Variants in IST1 observed in about 807,000 individuals in gnomAD.
IST1 encodes IST1 homolog.
Under a neutral mutation model 37.0 loss-of-function variants are expected in IST1, and 23 were observed. The observed-to-expected ratio is 0.62, with a 90% CI of 0.45 to 0.88. The LOEUF (loss-of-function observed/expected upper bound fraction) is 0.88. IST1 is among the 40% of genes least tolerant of loss of function. The probability of loss-of-function intolerance (pLI) is 0.00; values close to 1 mark genes in which losing one functional copy is unlikely to be tolerated. For synonymous variants in IST1, 180 were observed against 161.7 expected (o/e 1.11, Z -0.86); for missense variants, 488 against 445.4 (o/e 1.10, Z -0.86).
intron 1 of IST1, among the ~76,000 whole-genome samples, chr16:71,910,537 C>T (rs1005273220): frequency 2.7e-5 from 4 of 149,258 alleles, no homozygotes; most frequent in South Asian, 2.1e-4. Flanking sequence ...ACCTGGGAGG[C>T]GGAGCTTGCA....
rs1250739848 is a variant in IST1 at position 71,929,631 on chromosome 16, C to G, written c.*1818C>G. 6.4e-7 allele frequency: 1 copy of G among 1,551,766 alleles called. No homozygotes were observed. The highest frequency in any genetic ancestry group is 2.0e-5 in the Admixed American group (1 of 50,984). ...TTTTTTGGGGCCAACTGATTCCTAA[C>G]AAATTTGAGAGCTTCTGTAGCAGTG... is the stretch of plus-strand genomic sequence containing the variant. On this transcript the variant is annotated 3_prime_UTR_variant, in exon 10 of 10. Coordinates refer to ENST00000378799, the MANE Select transcript of IST1 (RefSeq NM_001270975.2).
At chr16:71,895,694 T>G (rs2036949745) in intron 1 of IST1, 105 bp downstream of exon 1, 1 of 305,652 alleles carries the variant, frequency 3.3e-6, no homozygotes. Flanking sequence ...TTCAAACGAC[T>G]TCGGAGGGGG....
intron 1 of IST1, among the ~76,000 whole-genome samples, chr16:71,895,937 C>T (rs1597225523): frequency 1.3e-5 from 2 of 152,362 alleles, no homozygotes; most frequent in African/African-American, 4.8e-5. Context: ...GGCGAGGGCT[C>T]CTCGGCGACA....
chr16:71,921,145 A>G, intron 5 of IST1, 198 bp from the exon 6 acceptor site: 1 of 600,462 alleles, frequency 1.7e-6, no homozygotes, highest in Middle Eastern at 4.5e-4. Context: ...CATCTGGGTC[A>G]TGTGTAATGA....
chr16:71,910,232 AT>A (rs559390096), intron 1 of IST1, among the ~76,000 whole-genome samples: 1 of 152,142 alleles, frequency 6.6e-6, no homozygotes, highest in Non-Finnish European at 1.5e-5. Context: ...TGGGATGTGA[AT>A]TACCCCTTTG....
rs1002778292 is a variant in IST1, at chr16:71,930,884, G to T, written c.*3071G>T. 2.0e-5 allele frequency: 3 copies of T among 152,096 alleles called. No individual in the cohort carries two copies. The highest frequency in any genetic ancestry group is 7.2e-5 in the African/African-American group (3 of 41,408). The allele number at this position is 152,096 out of a possible 1,614,324, so 9.4% of individuals were successfully genotyped here. ...CTGTTTAAAAATATCCCAACAGAGG[G>T]GTTGATTACAGTCAATGCCACCCTG... On this transcript the variant is annotated 3_prime_UTR_variant, in exon 10 of 10. Transcript: ENST00000378799.
intron 1 of IST1, among the ~76,000 whole-genome samples, chr16:71,910,438 C>G (rs1220775362): frequency 6.6e-6 from 1 of 151,932 alleles, no homozygotes; most frequent in East Asian, 1.9e-4. Context: ...AACCCCGTCT[C>G]TACTAAAAAT....
At chr16:71,894,877 T>C (rs1567456083), upstream of IST1, 1 of 1,499,320 alleles carries the variant, frequency 6.7e-7, no homozygotes, top group Non-Finnish European at 9.0e-7. Context: ...GGAAAAAGTT[T>C]TCTCTGAATA....
chr16:71,922,873 A>ATTCC, intron 7 of IST1, 193 bp downstream of exon 7: 2 of 611,752 alleles, frequency 3.3e-6, no homozygotes, highest in South Asian at 2.0e-5. Context: ...GCTGTAGGAA[A>ATTCC]ATCTATAGAG....
intron 1 of IST1, among the ~76,000 whole-genome samples, chr16:71,907,343 T>A (rs2037247887): frequency 6.6e-6 from 1 of 151,432 alleles, no homozygotes; most frequent in Non-Finnish European, 1.5e-5. Context: ...AGTGGTGCGA[T>A]CTCCGCTCAC....
upstream of IST1, chr16:71,894,881 C>G: frequency 6.8e-7 from 1 of 1,478,886 alleles, no homozygotes; most frequent in South Asian, 1.2e-5. Context: ...AAAGTTTTCT[C>G]TGAATACCGA....
upstream of IST1, chr16:71,895,292 C>G (rs569169272): frequency 1.3e-5 from 2 of 154,744 alleles, no homozygotes; most frequent in Admixed American, 6.5e-5. Flanking sequence ...TAAGGGCATG[C>G]CCCCAGCAGC....
At chr16:71,918,490 C>T (rs867685441) in intron 4 of IST1, among the ~76,000 whole-genome samples, 36 of 149,124 alleles carry the variant, frequency 2.4e-4, no homozygotes, top group Middle Eastern at 3.5e-3. Flanking sequence ...AATTTTGGCT[C>T]ACTGCAACCT....
chr16:71,917,691 C>T (rs1287788895), intron 4 of IST1, among the ~76,000 whole-genome samples: 1 of 152,058 alleles, frequency 6.6e-6, no homozygotes, highest in Non-Finnish European at 1.5e-5. Flanking sequence ...ACATCTTTGC[C>T]TTTCTGTTTT....
At chr16:71,927,549 A>T in intron 9 of IST1, 65 bp from the exon 10 acceptor site, 1 of 1,135,214 alleles carries the variant, frequency 8.8e-7, no homozygotes, top group Non-Finnish European at 1.3e-6. Context: ...TTTTATTTTT[A>T]CTGCCAAAGG....
At chr16:71,920,401 T>C (rs928569104) in intron 4 of IST1, among the ~76,000 whole-genome samples, 7 of 151,730 alleles carry the variant, frequency 4.6e-5, no homozygotes, top group South Asian at 2.1e-4. Context: ...CTAACACTTA[T>C]GATTTATTCT....
chr16:71,927,840 T>C lies in IST1; in HGVS notation c.*27T>C. 1 of 1,550,354 alleles carries C rather than the reference T, an allele frequency of 6.5e-7. No individual in the cohort carries two copies. The highest frequency in any genetic ancestry group is 8.9e-7 in the Non-Finnish European group (1 of 1,124,992). ...TCTCTTAAACCAGGCAACTTTCACG[T>C]TTTGGGAGTTGAGACTGAGCAATTT... is the stretch of plus-strand genomic sequence containing the variant. On this transcript the variant is annotated 3_prime_UTR_variant, in exon 10 of 10. Transcript: ENST00000378799.
intron 1 of IST1, among the ~76,000 whole-genome samples, chr16:71,907,518 C>A (rs969844353): frequency 3.9e-5 from 6 of 152,102 alleles, no homozygotes; most frequent in South Asian, 2.1e-4. Flanking sequence ...ACCTCGTGAT[C>A]CGCCCGCCTC....
chr16:71,922,962 CCA>C, intron 7 of IST1: 1 of 500,176 alleles, frequency 2.0e-6, no homozygotes, highest in East Asian at 3.6e-5. Flanking sequence ...GTAGTTTTTT[CCA>C]CAAATGAATA....
Sources: gnomAD v4.1 joint callset for allele counts (sites outside exome capture counted in the v4.1 genomes callset) on GRCh38, gnomAD v4.1.1 for gene constraint, MANE v1.5 for transcripts, NCBI Gene and HGNC (gene_info 2026-07-23, HGNC 2026-07-21) for gene names.